CEP55: variants seen among roughly 807,000 people sequenced by gnomAD.
CEP55 encodes centrosomal protein 55.
In CEP55, 57 loss-of-function variants were observed where a neutral mutation model predicts 63.2. The ratio of observed to expected loss-of-function variants is 0.90; its 90% CI spans 0.73 to 1.13. CEP55 has a LOEUF of 1.13. Ranked by LOEUF, CEP55 falls within the 50% of genes most tolerant of loss-of-function variation. CEP55 has a pLI of 0.00. For missense variants in CEP55, 456 were observed against 518.9 expected (o/e 0.88, Z 1.18); for synonymous variants, 178 against 191.6 (o/e 0.93, Z 0.59).
chr10:93,518,964 G>A lies in CEP55; in HGVS notation c.1065+16G>A. The A allele has an allele frequency of 1.9e-6, 3 of 1,601,962 alleles. No homozygotes were observed. Among genetic ancestry groups the A allele is most frequent in the Admixed American group, 1.7e-5 (1 of 59,962 alleles). On this transcript the variant is annotated intron_variant, in intron 7 of 8. Transcript: ENST00000371485. ...GGAACAACAGGTACTCATTCGGGTT[G>A]CTTCTAAATTCAATTCTGCCTGTTA... is the stretch of plus-strand genomic sequence containing the variant.
chr10:93,500,314 C>A, intron 2 of CEP55, 80 bp downstream of exon 2: 2 of 1,177,142 alleles, frequency 1.7e-6, no homozygotes, highest in Non-Finnish European at 2.5e-6. Context: ...TACCTTCTTA[C>A]TCTTGCCGTG....
intron 8 of CEP55, among the ~76,000 whole-genome samples, chr10:93,525,398 C>T (rs1316709849): frequency 1.3e-5 from 2 of 152,184 alleles, no homozygotes; most frequent in East Asian, 1.9e-4. Context: ...AGGACCTCTT[C>T]AAGGACAACT....
chr10:93,515,497 G>C lies in CEP55; in HGVS notation c.621G>C (p.Lys207Asn), dbSNP rs1212670958. ...TAGCAAAGATCTTTGAGTTGGAAAA[G>C]AAAACGGAAACAGCTGCTCATTCAC... Reference protein sequence around the residue: ...GLLAKIFELEKKTETAAHSLP... With the variant: ...GLLAKIFELENKTETAAHSLP... The change falls in exon 5 of 9, where the codon AAG (lysine) becomes AAC (asparagine). Residue 207 changes from lysine (K) to asparagine (N), a missense_variant. Coordinates refer to ENST00000371485, the MANE Select transcript of CEP55 (RefSeq NM_018131.5). 1 of 1,613,646 alleles carries C rather than the reference G, an allele frequency of 6.2e-7. No individual in the cohort carries two copies. Among genetic ancestry groups the C allele is most frequent in the African/African-American group, 1.3e-5 (1 of 74,900 alleles).
intron 5 of CEP55, among the ~76,000 whole-genome samples, chr10:93,516,220 G>T (rs79992638): frequency 0.056 from 8,563 of 152,208 alleles, 341 homozygotes; most frequent in East Asian, 0.2. Flanking sequence ...GGGGACCAAA[G>T]CCTTGAATTT....
intron 6 of CEP55, 56 bp from the exon 7 acceptor site, chr10:93,518,821 A>G: frequency 2.4e-6 from 3 of 1,248,062 alleles, no homozygotes; most frequent in Non-Finnish European, 3.5e-6. Flanking sequence ...CGTGCATCCC[A>G]GGTCAAGCCG....
chr10:93,518,452 C>A (rs2057825734), intron 6 of CEP55, among the ~76,000 whole-genome samples: 1 of 152,010 alleles, frequency 6.6e-6, no homozygotes, highest in African/African-American at 2.4e-5. Context: ...GTCCAGCCTG[C>A]CATCTTAGTC....
At chr10:93,503,929 G>A (rs1325260305) in intron 3 of CEP55, among the ~76,000 whole-genome samples, 1 of 150,628 alleles carries the variant, frequency 6.6e-6, no homozygotes, top group Non-Finnish European at 1.5e-5. Context: ...TAGCCTTAGA[G>A]ACAATACTAG....
chr10:93,511,943 A>G (rs2057754863), intron 4 of CEP55, among the ~76,000 whole-genome samples: 1 of 151,502 alleles, frequency 6.6e-6, no homozygotes, highest in African/African-American at 2.4e-5. Context: ...AATAAAATAA[A>G]ATTGGGCTGG....
intron 4 of CEP55, among the ~76,000 whole-genome samples, chr10:93,513,819 T>C (rs1006904559): frequency 6.6e-6 from 1 of 152,226 alleles, no homozygotes; most frequent in Non-Finnish European, 1.5e-5. Context: ...TGTCTTCACA[T>C]GGCCTCATTC....
chr10:93,500,314 C>G lies in CEP55; in HGVS notation c.183+80C>G, dbSNP rs1418249582. On this transcript the variant is annotated intron_variant, in intron 2 of 8. Transcript: ENST00000371485. ...AAGATTTCCTGATGCTACCTTCTTA[C>G]TCTTGCCGTGTTCCCTGTCTTGTCC... is the stretch of plus-strand genomic sequence containing the variant. 3.4e-5 allele frequency: 40 copies of G among 1,177,142 alleles called. No individual in the cohort carries two copies. In the South Asian group the frequency reaches 5.1e-4, roughly 15 times the overall value. 72.9% of individuals were successfully genotyped at this position (1,177,142 alleles called of 1,614,324 possible).
chr10:93,508,326 A>G lies in CEP55; in HGVS notation c.528+1270A>G, dbSNP rs532060072. Among the ~76,000 whole-genome samples, 4 of 152,312 alleles carry G rather than the reference A, an allele frequency of 2.6e-5. No individual in the cohort carries two copies. The East Asian group carries it at 7.7e-4, about 29-fold the overall frequency. On this transcript the variant is annotated intron_variant, in intron 4 of 8. Coordinates refer to ENST00000371485, the MANE Select transcript of CEP55 (RefSeq NM_018131.5). ...TTTTGGTTCCAAAAATATTACTGGC[A>G]TGTCTATCCTGATATAAGCATGTTC... is the stretch of plus-strand genomic sequence containing the variant.
chr10:93,520,077 A>G, intron 8 of CEP55: 1 of 451,328 alleles, frequency 2.2e-6, no homozygotes. Flanking sequence ...TGGGGTCAAA[A>G]GGGTAGAATA....
intron 1 of CEP55, among the ~76,000 whole-genome samples, chr10:93,499,282 CAG>C (rs1466941342): frequency 6.6e-6 from 1 of 152,136 alleles, no homozygotes; most frequent in Non-Finnish European, 1.5e-5. Flanking sequence ...CCTTCTAAAA[CAG>C]AGGACCTATG....
Position 93,513,939 on chromosome 10 carries a change from CT to C in CEP55, c.529-1465del, listed in dbSNP as rs1463098964. Among the ~76,000 whole-genome samples the C allele has an allele frequency of 3.7e-3, 551 of 150,864 alleles. 6 individuals carry two copies. The highest frequency in any genetic ancestry group is 5.9e-3 in the Non-Finnish European group (399 of 67,642). On this transcript the variant is annotated intron_variant, in intron 4 of 8. Transcript: ENST00000371485. ...TTTTAACTAATTGCATCTGCAAAGC[CT>C]CCCCCTCCCCTTTTTTTTTTTTGAG...
Position 93,503,224 on chromosome 10 carries a change from A to G in CEP55, c.295A>G (p.Thr99Ala), listed in dbSNP as rs7080916. 1,609,780 of 1,614,080 alleles carry G rather than the reference A, an allele frequency of 1. 802,834 individuals are homozygous for G. The highest frequency in any genetic ancestry group is 1 in the East Asian group (44,856 of 44,860). The change falls in exon 3 of 9, where the codon ACA becomes GCA. Residue 99 changes from threonine to alanine, a missense_variant. Physicochemically the swap from Thr to Ala is moderately conservative, Grantham distance 58. Coordinates refer to ENST00000371485, the MANE Select transcript of CEP55 (RefSeq NM_018131.5). ...ACTGAAGGCCAGATATAGTACTACC[A>G]CATTGCTTGAACAGCTGGAAGAGAC... Reference protein sequence around the residue: ...DQLKARYSTTTLLEQLEETTR... With the variant: ...DQLKARYSTTALLEQLEETTR...
intron 1 of CEP55, among the ~76,000 whole-genome samples, chr10:93,499,398 A>G (rs1191547064): frequency 6.6e-6 from 1 of 152,080 alleles, no homozygotes; most frequent in Admixed American, 6.6e-5. Context: ...TACTTCTTTC[A>G]GGCTTTATTT....
At chr10:93,523,542 T>G (rs1471006119) in intron 8 of CEP55, among the ~76,000 whole-genome samples, 1 of 151,830 alleles carries the variant, frequency 6.6e-6, no homozygotes, top group Non-Finnish European at 1.5e-5. Context: ...AGACAGAAAG[T>G]TAACAAGGAT....
At chr10:93,516,483 G>T (rs1203341858) in intron 5 of CEP55, among the ~76,000 whole-genome samples, 1 of 151,954 alleles carries the variant, frequency 6.6e-6, no homozygotes, top group Non-Finnish European at 1.5e-5. Flanking sequence ...CTCTTTCTCT[G>T]TGTGTCTGTT....
chr10:93,516,427 G>T (rs2057803727), intron 5 of CEP55, among the ~76,000 whole-genome samples: 1 of 152,078 alleles, frequency 6.6e-6, no homozygotes, highest in Non-Finnish European at 1.5e-5. Context: ...TATGGGCTAA[G>T]TCTAATTTCT....
Sources: allele counts gnomAD v4.1 joint callset (sites outside exome capture counted in the v4.1 genomes callset), GRCh38; gene constraint gnomAD v4.1.1; transcripts MANE v1.5; gene names NCBI Gene and HGNC (gene_info 2026-07-23, HGNC 2026-07-21).